Variants in TFEB observed in about 807,000 individuals in gnomAD.
TFEB encodes the protein T-cell transcription factor EB.
A neutral mutation model predicts 48.0 loss-of-function variants in TFEB; 12 were observed. That is an observed-to-expected ratio of 0.25 (90% CI 0.16 to 0.40). The LOEUF (loss-of-function observed/expected upper bound fraction) is 0.40, where lower values mean the gene tolerates loss of function less well. Among genes scored for constraint, TFEB ranks in the 10% least tolerant of loss-of-function variants. The probability of loss-of-function intolerance (pLI) is 1.00; values close to 1 mark genes in which losing one functional copy is unlikely to be tolerated. For synonymous variants in TFEB, 244 were observed against 261.4 expected, an observed-to-expected ratio of 0.93 and a Z score of 0.64; for missense variants, 509 against 640.3, an observed-to-expected ratio of 0.79 and a Z score of 2.21.
In TFEB at chr6:41,691,623, G is replaced by A. The variant is rs1249209783; in HGVS notation, c.-22-388C>T. 9 of 418,264 alleles carry A rather than the reference G, an allele frequency of 2.2e-5. No homozygotes were observed. Among genetic ancestry groups the A allele is most frequent in the East Asian group, 2.1e-4 (4 of 18,776 alleles). The allele number at this position is 418,264 out of a possible 1,614,324, so 25.9% of individuals were successfully genotyped here. A position where few individuals can be genotyped will look rare whatever the true frequency, so the allele number is the denominator to read the frequency against. ...TATCCTGGGTCTTACCTGGAATCCC[G>A]CAGGAGTAGCCCAGTGTTCAGACTG... On this transcript the variant is annotated intron_variant, in intron 1 of 8. Transcript: ENST00000373033. The surrounding 1 kb of genome is among the most constrained non-coding windows in gnomAD (Gnocchi z 5.2).
At chr6:41,688,081 G>GC (rs1769110490) in intron 4 of TFEB, 53 bp from the exon 5 acceptor site, 1 of 1,571,880 alleles carries the variant, frequency 6.4e-7, no homozygotes, top group African/African-American at 1.3e-5. Context: ...TCCACGGGGA[G>GC]CCCCCTCTAG....
rs1229180470 is a variant in TFEB at position 41,691,605 on chromosome 6, G to A, written c.-22-370C>T. On this transcript the variant is annotated intron_variant, in intron 1 of 8. Transcript: ENST00000373033. This position sits in a 1 kb window ranked among gnomAD's most constrained non-coding sequence, Gnocchi z 5.2. ...CACAAGGTGGGCCCAGCCTATCCTG[G>A]GTCTTACCTGGAATCCCGCAGGAGT... is the stretch of plus-strand genomic sequence containing the variant. 9.3e-6 allele frequency: 4 copies of A among 431,784 alleles called. No homozygotes were observed. The Admixed American group carries it at 1.0e-4, about 11-fold the overall frequency. The allele number at this position is 431,784 out of a possible 1,614,324, so 26.7% of individuals were successfully genotyped here. A position where few individuals can be genotyped will look rare whatever the true frequency, so the allele number is the denominator to read the frequency against.
chr6:41,736,048 G>A (rs980393246), upstream of TFEB: 3 of 1,498,160 alleles, frequency 2.0e-6, no homozygotes, highest in Admixed American at 1.7e-5. Flanking sequence ...CGATCATAAG[G>A]GGCAAGGCCA....
rs1354279454 is a variant in TFEB, at chr6:41,689,731, C to T, written c.549G>A (p.Thr183=). The T allele has an allele frequency of 6.2e-7, 1 of 1,613,820 alleles. No individual in the cohort carries two copies. Among genetic ancestry groups the T allele is most frequent in the Non-Finnish European group, 8.5e-7 (1 of 1,179,778 alleles). ...YINPEMQMPN[T]LPLSSSHLNV... ...CCCACCCCACCCTAGCCAGGAGTAC[C>T]GTGTTGGGCATCTGCATTTCAGGAT... The change falls in exon 4 of 9, where the codon ACG becomes ACA. Residue 183 remains threonine, a splice_region_variant and synonymous_variant. Coordinates refer to ENST00000373033, the MANE Select transcript of TFEB (RefSeq NM_001271944.2).
At chr6:41,692,537 T>G (rs1769369988) in intron 1 of TFEB, among the ~76,000 whole-genome samples, 1 of 152,100 alleles carries the variant, frequency 6.6e-6, no homozygotes, top group South Asian at 2.1e-4. Context: ...GTGGGACAGG[T>G]GTGACTTAAG....
intron 1 of TFEB, among the ~76,000 whole-genome samples, chr6:41,716,082 C>G (rs896517357): frequency 2.6e-5 from 4 of 152,210 alleles, no homozygotes; most frequent in Non-Finnish European, 2.9e-5. Context: ...ACCACCACCT[C>G]TCTATTATAC....
At chr6:41,722,163 A>G (rs1327768094) in intron 1 of TFEB, among the ~76,000 whole-genome samples, 2 of 152,134 alleles carry the variant, frequency 1.3e-5, no homozygotes, top group East Asian at 3.8e-4. Context: ...GTATTTTAGT[A>G]GGGACGGGGT....
chr6:41,690,788 G>T lies in TFEB; in HGVS notation c.343C>A (p.Pro115Thr). ...GGGGAGGCGGCTGGTGGGGGTTTCG[G>T]AGAGCCCTGGGCTGGGCTGATGTGG... ...AAHISPAQGS[P>T]KPPPAASPGV... is the part of the protein sequence containing the mutation. Residue 115 changes from proline to threonine, a missense_variant, in exon 3 of 9, where the codon CCG becomes ACG. By Grantham distance (38) the Pro-to-Thr change is conservative. Coordinates refer to ENST00000373033, the MANE Select transcript of TFEB (RefSeq NM_001271944.2). 3 of 1,612,048 alleles carry T rather than the reference G, an allele frequency of 1.9e-6. No individual in the cohort carries two copies. The highest frequency in any genetic ancestry group is 2.5e-6 in the Non-Finnish European group (3 of 1,178,814).
chr6:41,703,031 C>T (rs4428488), intron 1 of TFEB, among the ~76,000 whole-genome samples: 49,073 of 152,122 alleles, frequency 0.32, 8,453 homozygotes, highest in African/African-American at 0.46. Flanking sequence ...GGCCAGGCAC[C>T]GGTTTCACTG....
Position 41,730,122 on chromosome 6 carries a change from G to GAA in TFEB, c.-23+5226_-23+5227dup, listed in dbSNP as rs11478857. On this transcript the variant is annotated intron_variant, in intron 1 of 8. Coordinates refer to ENST00000373033, the MANE Select transcript of TFEB (RefSeq NM_001271944.2). This position sits in a 1 kb window ranked among gnomAD's most constrained non-coding sequence, Gnocchi z 4.1. ...GAGAAAGGGCATTGGAATCATCCCA[G>GAA]AAAAAAAAAAAATTAAATAAAGATG... Among the ~76,000 whole-genome samples the GAA allele has an allele frequency of 8.2e-4, 122 of 149,314 alleles. No homozygotes were observed. Among genetic ancestry groups the GAA allele is most frequent in the African/African-American group, 2.2e-3 (88 of 40,332 alleles).
Position 41,684,030 on chromosome 6 carries a change from G to C in TFEB, c.*569C>G, listed in dbSNP as rs947790000. The C allele has an allele frequency of 4.4e-6, 1 of 227,534 alleles. No individual in the cohort carries two copies. The highest frequency in any genetic ancestry group is 2.2e-5 in the African/African-American group (1 of 44,952). The allele number at this position is 227,534 out of a possible 1,614,324, so 14.1% of individuals were successfully genotyped here. ...CAAAGTGAGGGGTCGGAGGGCAGCT[G>C]CTCTTCCGGCAGTGACCCCTCCCGC... On this transcript the variant is annotated 3_prime_UTR_variant, in exon 9 of 9. Coordinates refer to ENST00000373033, the MANE Select transcript of TFEB (RefSeq NM_001271944.2).
Position 41,700,334 on chromosome 6 carries a change from C to T in TFEB, c.-22-9099G>A, listed in dbSNP as rs189681344. The stretch of plus-strand genomic sequence containing the variant: ...ACAAAAAATTAGCCGGGCATGGTGG[C>T]GGGCGCCTGTAGTCCCAGCTACTCA... On this transcript the variant is annotated intron_variant, in intron 1 of 8. Transcript: ENST00000373033. 3.8e-3 allele frequency among the ~76,000 whole-genome samples: 576 copies of T among 152,072 alleles called. 2 individuals are homozygous for T. The highest frequency in any genetic ancestry group is 0.013 in the African/African-American group (544 of 41,490).
chr6:41,719,587 C>T (rs572476280), intron 1 of TFEB, among the ~76,000 whole-genome samples: 4 of 152,324 alleles, frequency 2.6e-5, no homozygotes, highest in Admixed American at 2.0e-4. Context: ...GCCAGACACC[C>T]GGCCCAGGGT....
At chr6:41,707,757 G>A (rs1285180426) in intron 1 of TFEB, among the ~76,000 whole-genome samples, 7 of 152,200 alleles carry the variant, frequency 4.6e-5, no homozygotes, top group Admixed American at 6.5e-5. Flanking sequence ...GCCACCGCAC[G>A]AAATTACTCC....
At chr6:41,726,429 A>G (rs1428876309) in intron 1 of TFEB, among the ~76,000 whole-genome samples, 1 of 152,062 alleles carries the variant, frequency 6.6e-6, no homozygotes, top group Non-Finnish European at 1.5e-5. Flanking sequence ...CACCTGGGTG[A>G]TGGTTGCCTA....
chr6:41,719,324 A>C (rs1039655846), intron 1 of TFEB, among the ~76,000 whole-genome samples: 12 of 152,214 alleles, frequency 7.9e-5, no homozygotes, highest in African/African-American at 2.7e-4. Context: ...ATAATAATAG[A>C]AATAAAGTGC....
At chr6:41,727,187 A>G (rs1195496545) in intron 1 of TFEB, among the ~76,000 whole-genome samples, 1 of 152,246 alleles carries the variant, frequency 6.6e-6, no homozygotes, top group African/African-American at 2.4e-5. Context: ...CCCTGACAGC[A>G]GGACTTGGAG....
chr6:41,693,980 C>G (rs1361972071), intron 1 of TFEB, among the ~76,000 whole-genome samples: 1 of 151,642 alleles, frequency 6.6e-6, no homozygotes, highest in African/African-American at 2.4e-5. Flanking sequence ...TCTACACACC[C>G]ACCCACACGG....
Position 41,690,741 on chromosome 6 carries a change from C to G in TFEB, c.390G>C (p.Val130=). The G allele has an allele frequency of 6.2e-7, 1 of 1,601,672 alleles. No homozygotes were observed. The highest frequency in any genetic ancestry group is 8.5e-7 in the Non-Finnish European group (1 of 1,172,186). ...CACTGTTGCCAGCGGAGGAGGACAGCACGTGTCCAGCTCGCACCCCTGGGG... is the reference window on the plus strand; with the variant it reads ...CACTGTTGCCAGCGGAGGAGGACAGGACGTGTCCAGCTCGCACCCCTGGGG... ...AASPGVRAGH[V]LSSSAGNSAP... is the part of the protein sequence containing the mutation. The change falls in exon 3 of 9, where the codon GTG becomes GTC. Residue 130 remains valine (V), a synonymous_variant. Coordinates refer to ENST00000373033, the MANE Select transcript of TFEB (RefSeq NM_001271944.2).
Sources: gnomAD v4.1 joint callset for allele counts (sites outside exome capture counted in the v4.1 genomes callset) on GRCh38, gnomAD v4.1.1 for gene constraint, Gnocchi (gnomAD v3.1) non-coding constraint, MANE v1.5 for transcripts, NCBI Gene and HGNC (gene_info 2026-07-23, HGNC 2026-07-21) for gene names.